PTPRG: variants seen among roughly 807,000 people sequenced by gnomAD.
PTPRG encodes the protein protein tyrosine phosphatase receptor type G.
In PTPRG, 102 loss-of-function variants were observed where a neutral mutation model predicts 165.3. The observed-to-expected ratio is 0.62, with a 90% CI of 0.53 to 0.73. PTPRG has a LOEUF of 0.73. Ranked by LOEUF, PTPRG falls within the 30% of genes least tolerant of loss-of-function variation. The pLI, the probability that PTPRG is intolerant of heterozygous loss-of-function variation, is 0.00. For synonymous variants in PTPRG, 675 were observed against 669.5 expected (o/e 1.01, Z -0.13); for missense variants, 1,866 against 1,861.4 (o/e 1.00, Z -0.05).
At chr3:62,253,426 G>A (rs1437655181) in intron 15 of PTPRG, among the ~76,000 whole-genome samples, 2 of 152,092 alleles carry the variant, frequency 1.3e-5, no homozygotes, top group Non-Finnish European at 1.5e-5. Flanking sequence ...TGATTCTGTG[G>A]TTAGGTTGTG....
chr3:61,758,920 C>G (rs190909364), intron 2 of PTPRG, among the ~76,000 whole-genome samples: 1 of 152,146 alleles, frequency 6.6e-6, no homozygotes, highest in Non-Finnish European at 1.5e-5. Context: ...TGAATTTTCT[C>G]GCTGTTCATT....
chr3:62,281,849 C>T (rs919441295), intron 27 of PTPRG, 140 bp downstream of exon 27: 30 of 816,730 alleles, frequency 3.7e-5, no homozygotes, highest in African/African-American at 1.8e-4. Flanking sequence ...GTACATTTTC[C>T]GTTTTTCTTC....
Position 62,048,042 on chromosome 3 carries a change from T to G in PTPRG, c.520-30121T>G, listed in dbSNP as rs551183081. On this transcript the variant is annotated intron_variant, in intron 4 of 29. Transcript: ENST00000474889. ...CATATTGGGAAGCTAAACTGGCTTT[T>G]CTTGGAAACCTGCTGAAAGTCAGAC... Among the ~76,000 whole-genome samples the G allele has an allele frequency of 7.9e-5, 12 of 152,326 alleles. No individual in the cohort carries two copies. In the East Asian group the frequency reaches 2.3e-3, roughly 29 times the overall value.
At chr3:61,575,101 T>G (rs753500716) in intron 1 of PTPRG, among the ~76,000 whole-genome samples, 8 of 152,208 alleles carry the variant, frequency 5.3e-5, no homozygotes, top group South Asian at 2.1e-4. Flanking sequence ...AGCGTTAGAG[T>G]TCTTTCTGAA....
rs36020392 is a variant in PTPRG at position 61,812,203 on chromosome 3, TTG to T, written c.190+63240_190+63241del. ...ACTTCTTCCTGGTATCTACAGTTGA[TTG>T]TGTGTGTGTGTGTGTGTGAAAACGA... On this transcript the variant is annotated intron_variant, in intron 2 of 29. Transcript: ENST00000474889. 6.3e-3 allele frequency among the ~76,000 whole-genome samples: 953 copies of T among 150,478 alleles called. 9 individuals carry two copies. The highest frequency in any genetic ancestry group is 0.022 in the African/African-American group (920 of 41,086).
chr3:61,643,422 G>A (rs2106958913), intron 1 of PTPRG, among the ~76,000 whole-genome samples: 1 of 152,274 alleles, frequency 6.6e-6, no homozygotes, highest in Non-Finnish European at 1.5e-5. Flanking sequence ...TGGAAATGGG[G>A]CAAAATTAGG....
At position 62,276,976 on chromosome 3, in the gene PTPRG, G is replaced by A. The variant is rs757157623; in HGVS notation, c.3564G>A (p.Glu1188=). 3.7e-6 allele frequency: 6 copies of A among 1,612,568 alleles called. No homozygotes were observed. In the East Asian group the frequency reaches 1.1e-4, roughly 30 times the overall value. Residue 1188 remains glutamate (E), a synonymous_variant, in exon 25 of 30, where the codon GAG becomes GAA. Transcript: ENST00000474889. ...TTTGTTTTTTCCATATGATAGCTGA[G>A]CGTGCTCGAGTGGGTCTTGCACCAT... is the stretch of plus-strand genomic sequence containing the variant. ...KNRNSSVVPS[E]RARVGLAPLP...
At position 62,271,253 on chromosome 3, in the gene PTPRG, A is replaced by G; in HGVS notation, c.3010-130A>G. On this transcript the variant is annotated intron_variant, in intron 20 of 29. Coordinates refer to ENST00000474889, the MANE Select transcript of PTPRG (RefSeq NM_002841.4). This position sits in a 1 kb window ranked among gnomAD's most constrained non-coding sequence, Gnocchi z 4.1. ...GCATGAAAGTTGGCTACAAGGGGGAATAACCTAGCCTGGGAACAGTGATTA... is the reference window on the plus strand; with the variant it reads ...GCATGAAAGTTGGCTACAAGGGGGAGTAACCTAGCCTGGGAACAGTGATTA... The G allele has an allele frequency of 2.7e-6, 2 of 744,026 alleles. No homozygotes were observed. Among genetic ancestry groups the G allele is most frequent in the African/African-American group, 1.8e-5 (1 of 55,606 alleles). 46.1% of individuals were successfully genotyped at this position (744,026 alleles called of 1,614,324 possible). A position where few individuals can be genotyped will look rare whatever the true frequency, so the allele number is the denominator to read the frequency against.
chr3:61,828,622 C>A (rs1173054471), intron 2 of PTPRG, among the ~76,000 whole-genome samples: 1 of 152,158 alleles, frequency 6.6e-6, no homozygotes, highest in Non-Finnish European at 1.5e-5. Flanking sequence ...AGAGGAAGTG[C>A]TGTGTGAACC....
chr3:61,616,779 A>C (rs971689984), intron 1 of PTPRG, among the ~76,000 whole-genome samples: 9 of 152,272 alleles, frequency 5.9e-5, no homozygotes, highest in African/African-American at 1.9e-4. Flanking sequence ...CTTTGTGTTA[A>C]TACGCAACTT....
intron 1 of PTPRG, among the ~76,000 whole-genome samples, chr3:61,653,284 T>C (rs1409554366): frequency 6.6e-6 from 1 of 152,194 alleles, no homozygotes; most frequent in Non-Finnish European, 1.5e-5. Context: ...TTTCATTTTA[T>C]ATTGTGAACA....
chr3:62,182,395 C>T (rs574028732), intron 8 of PTPRG, among the ~76,000 whole-genome samples: 1 of 152,314 alleles, frequency 6.6e-6, no homozygotes, highest in South Asian at 2.1e-4. Context: ...GGAAATGCTA[C>T]ATTTTTGTTA....
intron 2 of PTPRG, among the ~76,000 whole-genome samples, chr3:61,788,970 G>C (rs2034792246): frequency 6.6e-6 from 1 of 152,138 alleles, no homozygotes; most frequent in Non-Finnish European, 1.5e-5. Flanking sequence ...GCTGCTCTCT[G>C]TTATTTTGCA....
intron 3 of PTPRG, among the ~76,000 whole-genome samples, chr3:62,003,093 C>G (rs1399069207): frequency 6.6e-6 from 1 of 150,678 alleles, no homozygotes; most frequent in Non-Finnish European, 1.5e-5. Context: ...TTTTTTAAAT[C>G]TGTTAAATGG....
chr3:62,117,746 G>A (rs1702917897), intron 5 of PTPRG, among the ~76,000 whole-genome samples: 2 of 152,052 alleles, frequency 1.3e-5, no homozygotes, highest in African/African-American at 4.8e-5. Context: ...CAATTCACAG[G>A]GTTCGAGCAT....
At chr3:62,047,991 C>T (rs1272617940) in intron 4 of PTPRG, among the ~76,000 whole-genome samples, 1 of 152,150 alleles carries the variant, frequency 6.6e-6, no homozygotes, top group Non-Finnish European at 1.5e-5. Flanking sequence ...CATTAGTAAC[C>T]TGGCGCTCCA....
intron 8 of PTPRG, among the ~76,000 whole-genome samples, chr3:62,175,773 G>A (rs1007996712): frequency 1.3e-5 from 2 of 152,202 alleles, no homozygotes; most frequent in African/African-American, 2.4e-5. Flanking sequence ...AGAGTGTGGT[G>A]AGGTGGTGGG....
intron 1 of PTPRG, among the ~76,000 whole-genome samples, chr3:61,606,275 C>T (rs1482449069): frequency 1.3e-5 from 2 of 152,176 alleles, no homozygotes; most frequent in East Asian, 1.9e-4. Flanking sequence ...GGATGCCTGC[C>T]TTTGCCTGCG....
intron 4 of PTPRG, among the ~76,000 whole-genome samples, chr3:62,032,935 A>G (rs1300417468): frequency 6.6e-6 from 1 of 152,180 alleles, no homozygotes; most frequent in African/African-American, 2.4e-5. Flanking sequence ...ATAAATGCGC[A>G]CCTGCAAGAT....
Sources: allele counts gnomAD v4.1 joint callset (sites outside exome capture counted in the v4.1 genomes callset), GRCh38; gene constraint gnomAD v4.1.1; non-coding constraint Gnocchi (gnomAD v3.1); transcripts MANE v1.5; gene names NCBI Gene and HGNC (gene_info 2026-07-23, HGNC 2026-07-21).